Variants in MRPS6 observed in about 807,000 individuals in gnomAD.
MRPS6 encodes small ribosomal subunit protein bS6m.
MRPS6 carries 6 observed loss-of-function variants against 13.1 expected under a neutral mutation model. The observed-to-expected ratio is 0.46, with a 90% CI of 0.25 to 0.91. The LOEUF (loss-of-function observed/expected upper bound fraction) is 0.91. MRPS6 is among the 40% of genes least tolerant of loss of function. The probability of loss-of-function intolerance (pLI) is 0.18; values close to 1 mark genes in which losing one functional copy is unlikely to be tolerated. For synonymous variants in MRPS6, 61 were observed against 56.5 expected (o/e 1.08, Z -0.36); for missense variants, 164 against 155.6 (o/e 1.05, Z -0.29).
At chr21:34,087,041 A>G (rs1244502198) in intron 1 of MRPS6, among the ~76,000 whole-genome samples, 4 of 152,216 alleles carry the variant, frequency 2.6e-5, no homozygotes, top group Non-Finnish European at 5.9e-5. Flanking sequence ...CACGTTCCGC[A>G]GTGGAGTTAG....
chr21:34,118,594 C>G (rs1980012678), intron 1 of MRPS6, among the ~76,000 whole-genome samples: 1 of 146,308 alleles, frequency 6.8e-6, no homozygotes, highest in African/African-American at 2.6e-5. Context: ...TCTCAGCTCA[C>G]TACAACCTCC....
intron 1 of MRPS6, among the ~76,000 whole-genome samples, chr21:34,110,384 G>A (rs1459081815): frequency 6.6e-6 from 1 of 152,140 alleles, no homozygotes; most frequent in Non-Finnish European, 1.5e-5. Flanking sequence ...AGAGGCCGAG[G>A]CAGAAGGATT....
chr21:34,121,372 A>G (rs1175860094), intron 1 of MRPS6, among the ~76,000 whole-genome samples: 1 of 152,212 alleles, frequency 6.6e-6, no homozygotes, highest in African/African-American at 2.4e-5. Context: ...CTGAGGTACA[A>G]GTTTAAAATT....
intron 1 of MRPS6, among the ~76,000 whole-genome samples, chr21:34,091,231 G>A (rs73899959): frequency 0.011 from 1,600 of 140,858 alleles, 34 homozygotes; most frequent in African/African-American, 0.041. Flanking sequence ...GTTTGGTCAC[G>A]TTTAAGATTA....
Position 34,096,852 on chromosome 21 carries a change from C to CTGG in MRPS6, c.45+23113_45+23115dup. 1 of 1,614,040 alleles carries CTGG rather than the reference C, an allele frequency of 6.2e-7. No homozygotes were observed. Among genetic ancestry groups the CTGG allele is most frequent in the Non-Finnish European group, 8.5e-7 (1 of 1,179,980 alleles). ...CACCACCTTTTGGTCTAAGAAGAAC[C>CTGG]TGGTGGTGAAGGAGAACTGCTCCCC... is the stretch of plus-strand genomic sequence containing the variant. On this transcript the variant is annotated intron_variant, in intron 1 of 2. Coordinates refer to ENST00000399312, the MANE Select transcript of MRPS6 (RefSeq NM_032476.4). This position sits in a 1 kb window ranked among gnomAD's most constrained non-coding sequence, Gnocchi z 5.9.
At chr21:34,140,767 C>T (rs1980880500) in intron 2 of MRPS6, among the ~76,000 whole-genome samples, 1 of 152,146 alleles carries the variant, frequency 6.6e-6, no homozygotes, top group Admixed American at 6.5e-5. Flanking sequence ...AAGATTGTTA[C>T]ATCTTGGTGG....
At chr21:34,101,830 A>G in intron 1 of MRPS6, 4 of 999,542 alleles carry the variant, frequency 4.0e-6, no homozygotes, top group Non-Finnish European at 4.8e-6. Context: ...GTTGGCTAAT[A>G]ATAAAAGCAC....
chr21:34,098,018 G>A (rs1979053716), intron 1 of MRPS6: 1 of 997,682 alleles, frequency 1.0e-6, no homozygotes, highest in Non-Finnish European at 1.2e-6. Flanking sequence ...CTACTTTCAA[G>A]TTTAAGTGAA....
chr21:34,098,343 G>A, intron 1 of MRPS6: 1 of 1,000,242 alleles, frequency 1.0e-6, no homozygotes, highest in Non-Finnish European at 1.2e-6. Context: ...AAGAAAAATT[G>A]ACGCTGCCTT....
At chr21:34,114,027 C>G (rs891764518) in intron 1 of MRPS6, among the ~76,000 whole-genome samples, 5 of 152,146 alleles carry the variant, frequency 3.3e-5, no homozygotes, top group African/African-American at 1.2e-4. Flanking sequence ...CTCCCACTAT[C>G]CATTTCACAA....
chr21:34,078,026 A>G (rs1989374526), intron 1 of MRPS6, among the ~76,000 whole-genome samples: 1 of 152,148 alleles, frequency 6.6e-6, no homozygotes, highest in Admixed American at 6.5e-5. Context: ...AGTCAGGTCA[A>G]CCCTAGGTCC....
chr21:34,079,360 A>G (rs1399787406), intron 1 of MRPS6, among the ~76,000 whole-genome samples: 1 of 151,928 alleles, frequency 6.6e-6, no homozygotes, highest in East Asian at 1.9e-4. Flanking sequence ...TATAGACACA[A>G]TTTTCTAGGT....
At chr21:34,095,375 T>C in intron 1 of MRPS6, 4 of 1,614,118 alleles carry the variant, frequency 2.5e-6, no homozygotes, top group Non-Finnish European at 3.4e-6. Context: ...TTGTGAGCAA[T>C]ATTGGGAGTG....
At chr21:34,119,652 G>T (rs1459959423) in intron 1 of MRPS6, among the ~76,000 whole-genome samples, 1 of 152,222 alleles carries the variant, frequency 6.6e-6, no homozygotes, top group East Asian at 1.9e-4. Context: ...TATTTTCTGG[G>T]GAACTAGGGT....
At chr21:34,097,504 T>C in intron 1 of MRPS6, 1 of 1,412,292 alleles carries the variant, frequency 7.1e-7, no homozygotes, top group African/African-American at 1.5e-5. Context: ...ATTACAAGAC[T>C]TTATTTTCCC....
intron 2 of MRPS6, chr21:34,135,450 C>T: frequency 2.1e-6 from 1 of 481,964 alleles, no homozygotes; most frequent in Non-Finnish European, 4.2e-6. Context: ...TGGACTTGGC[C>T]ACACATGCCA....
chr21:34,134,328 A>G (rs897566596), intron 2 of MRPS6, among the ~76,000 whole-genome samples: 4 of 152,194 alleles, frequency 2.6e-5, no homozygotes, highest in Admixed American at 1.3e-4. Context: ...CACTGCTTCA[A>G]GAAGTTTGTG....
At chr21:34,082,664 T>C (rs1258121406) in intron 1 of MRPS6, among the ~76,000 whole-genome samples, 1 of 152,176 alleles carries the variant, frequency 6.6e-6, no homozygotes, top group Non-Finnish European at 1.5e-5. Flanking sequence ...TGATGACATT[T>C]TTATTTTTGA....
At chr21:34,081,017 C>G (rs1221121155) in intron 1 of MRPS6, among the ~76,000 whole-genome samples, 4 of 151,976 alleles carry the variant, frequency 2.6e-5, no homozygotes, top group African/African-American at 9.7e-5. Flanking sequence ...GAGTGCAAAC[C>G]TTTGTTTCCT....
Sources: allele counts gnomAD v4.1 joint callset (sites outside exome capture counted in the v4.1 genomes callset), GRCh38; gene constraint gnomAD v4.1.1; non-coding constraint Gnocchi (gnomAD v3.1); transcripts MANE v1.5; gene names NCBI Gene and HGNC (gene_info 2026-07-23, HGNC 2026-07-21).